ZFYVE16: variants seen among roughly 807,000 people sequenced by gnomAD.
The protein encoded by ZFYVE16 is zinc finger FYVE domain-containing protein 16.
In ZFYVE16, 89 loss-of-function variants were observed where a neutral mutation model predicts 138.1. That is an observed-to-expected ratio of 0.64 (90% confidence interval 0.54 to 0.77). The LOEUF (loss-of-function observed/expected upper bound fraction) is 0.77. Among genes scored for constraint, ZFYVE16 ranks in the 30% least tolerant of loss-of-function variants. The probability of loss-of-function intolerance (pLI) is 0.00; values close to 1 mark genes in which losing one functional copy is unlikely to be tolerated. For synonymous variants in ZFYVE16, 596 were observed against 618.3 expected (o/e 0.96, Z 0.53); for missense variants, 1,793 against 1,786.7 (o/e 1.00, Z -0.06).
At chr5:80,427,610 C>CTTTTTTTTTTTTTTT in intron 2 of ZFYVE16, 65 bp downstream of exon 2, 13 of 50,002 alleles carry the variant, frequency 2.6e-4, no homozygotes, top group Non-Finnish European at 4.1e-4. Flanking sequence ...CTGTCGTATG[C>CTTTTTTTTTTTTTTT]TTTTTTTTTT....
chr5:80,423,808 G>A (rs970791017), intron 1 of ZFYVE16, among the ~76,000 whole-genome samples: 1 of 151,948 alleles, frequency 6.6e-6, no homozygotes, highest in African/African-American at 2.4e-5. Context: ...AAAATGCTGG[G>A]ATTACAGGCG....
Position 80,448,297 on chromosome 5 carries a change from G to A in ZFYVE16, c.2996G>A (p.Arg999Lys). 6.2e-7 allele frequency: 1 copy of A among 1,613,058 alleles called. No homozygotes were observed. Among genetic ancestry groups the A allele is most frequent in the South Asian group, 1.1e-5 (1 of 91,016 alleles). ...CCTATTGCTAGTATTTCAGATTATA[G>A]GTTACTGTGTGATATTAACAAGTAT... ...NLPIASISDY[R>K]LLCDINKYVC... The change falls in exon 8 of 19, where the codon AGG becomes AAG. Residue 999 changes from arginine to lysine, a missense_variant. This residue lies in a region of ZFYVE16 where 1,295 missense variants were observed against 1,204.3 expected (regional missense o/e 1.08). Transcript: ENST00000505560.
In ZFYVE16 at chr5:80,437,670, T is replaced by G. The variant is rs750583360; in HGVS notation, c.985T>G (p.Phe329Val). Residue 329 changes from phenylalanine to valine, a missense_variant, in exon 4 of 19, where the codon TTT becomes GTT. Transcript: ENST00000505560. ...SRDENFKLPD[F>V]SFQEDKTVIK... is the part of the protein sequence containing the mutation. The stretch of plus-strand genomic sequence containing the variant: ...AGATGAAAATTTCAAATTACCTGAC[T>G]TTTCCTTTCAGGAAGATAAGACTGT... 6.2e-7 allele frequency: 1 copy of G among 1,612,054 alleles called. No homozygotes were observed. Among genetic ancestry groups the G allele is most frequent in the Non-Finnish European group, 8.5e-7 (1 of 1,179,374 alleles).
In ZFYVE16 at chr5:80,434,023, C is replaced by A. The variant is rs995452891; in HGVS notation, c.-39-86C>A. The A allele has an allele frequency of 1.1e-5, 10 of 889,978 alleles. No individual in the cohort carries two copies. The African/African-American group carries it at 1.5e-4, about 14-fold the overall frequency. 55.1% of individuals were successfully genotyped at this position (889,978 alleles called of 1,614,324 possible). On this transcript the variant is annotated intron_variant, in intron 2 of 18. Transcript: ENST00000505560. Reference sequence around the variant, plus strand: ...TTAAATTTTATTTCTGTGTCAATTTCTTGACTGTGTTTCCTGGCATGGAAT... The same window carrying A: ...TTAAATTTTATTTCTGTGTCAATTTATTGACTGTGTTTCCTGGCATGGAAT...
chr5:80,464,284 T>C (rs955161641), intron 15 of ZFYVE16, among the ~76,000 whole-genome samples: 6 of 152,088 alleles, frequency 3.9e-5, no homozygotes, highest in African/African-American at 1.2e-4. Flanking sequence ...AGGAAACTTA[T>C]GATCATGGCA....
chr5:80,423,818 G>A (rs907917027), intron 1 of ZFYVE16, among the ~76,000 whole-genome samples: 4 of 152,038 alleles, frequency 2.6e-5, no homozygotes, highest in Admixed American at 6.6e-5. Flanking sequence ...GATTACAGGC[G>A]TGAGCCACTG....
chr5:80,473,953 A>G lies in ZFYVE16; in HGVS notation c.4293+94A>G, dbSNP rs1754641186. On this transcript the variant is annotated intron_variant, in intron 17 of 18. Transcript: ENST00000505560. The stretch of plus-strand genomic sequence containing the variant: ...ATACTCAACCTCTAAATATTTATGC[A>G]TAGCTTATTATACTTTTTATGCTAC... 2.0e-5 allele frequency: 17 copies of G among 839,710 alleles called. No homozygotes were observed. The South Asian group carries it at 2.8e-4, about 14-fold the overall frequency. The allele number at this position is 839,710 out of a possible 1,614,324, so 52.0% of individuals were successfully genotyped here. A position where few individuals can be genotyped will look rare whatever the true frequency, so the allele number is the denominator to read the frequency against.
Position 80,478,442 on chromosome 5 carries a change from A to G in ZFYVE16, c.*1065A>G, listed in dbSNP as rs1476105333. On this transcript the variant is annotated 3_prime_UTR_variant, in exon 19 of 19. Coordinates refer to ENST00000505560, the MANE Select transcript of ZFYVE16 (RefSeq NM_001284236.3). ...TTATTTTTTATAACAGGATATTAAC[A>G]TAAGTTAAATCCTATGTATTTGAAA... The G allele has an allele frequency of 6.6e-6, 1 of 152,134 alleles. No homozygotes were observed. Among genetic ancestry groups the G allele is most frequent in the Admixed American group, 6.5e-5 (1 of 15,274 alleles). The allele number at this position is 152,134 out of a possible 1,614,324, so 9.4% of individuals were successfully genotyped here. A position where few individuals can be genotyped will look rare whatever the true frequency, so the allele number is the denominator to read the frequency against.
Position 80,445,389 on chromosome 5 carries a change from C to A in ZFYVE16, c.2708C>A (p.Ser903Ter), listed in dbSNP as rs764221333. Residue 903 changes from serine to a stop codon, truncating the protein, a stop_gained, in exon 7 of 19, where the codon TCA (serine) becomes TAA (stop). Transcript: ENST00000505560. LOFTEE classifies it high-confidence loss of function. ...TGTTCTGAAGACTTTAGTCCTCTCTCACCTGATGTGCCTATGGTAAGGAAT... is the reference window on the plus strand; with the variant it reads ...TGTTCTGAAGACTTTAGTCCTCTCTAACCTGATGTGCCTATGGTAAGGAAT... ...KRCSEDFSPL[S>*]PDVPMTVNTV... is the part of the protein sequence containing the mutation. The A allele has an allele frequency of 6.2e-7, 1 of 1,613,084 alleles. No homozygotes were observed. Among genetic ancestry groups the A allele is most frequent in the South Asian group, 1.1e-5 (1 of 90,808 alleles).
intron 3 of ZFYVE16, among the ~76,000 whole-genome samples, chr5:80,434,513 G>A (rs543444114): frequency 4.0e-4 from 61 of 152,070 alleles, no homozygotes; most frequent in Non-Finnish European, 6.3e-4. Context: ...GTCTCATTCT[G>A]TCTCCCAGGC....
At chr5:80,449,835 C>T in intron 9 of ZFYVE16, 122 bp downstream of exon 9, 1 of 1,108,280 alleles carries the variant, frequency 9.0e-7, no homozygotes, top group East Asian at 2.7e-5. Flanking sequence ...ATTGGTTTTT[C>T]AGCCACATAT....
chr5:80,467,223 A>C (rs1677709926), intron 15 of ZFYVE16, among the ~76,000 whole-genome samples: 1 of 152,230 alleles, frequency 6.6e-6, no homozygotes, highest in Admixed American at 6.5e-5. Flanking sequence ...ACAACAGGCA[A>C]ATCTAAAGGT....
intron 3 of ZFYVE16, among the ~76,000 whole-genome samples, chr5:80,436,280 G>A (rs1042342677): frequency 6.6e-6 from 1 of 152,182 alleles, no homozygotes; most frequent in African/African-American, 2.4e-5. Context: ...AGGGGAGTGA[G>A]GGTAGGATCC....
intron 2 of ZFYVE16, among the ~76,000 whole-genome samples, chr5:80,433,358 A>G (rs1580187138): frequency 2.0e-5 from 3 of 152,280 alleles, no homozygotes; most frequent in Admixed American, 6.5e-5. Context: ...AACACCGCAT[A>G]TTCTCACTCG....
At chr5:80,460,439 T>C (rs1752982203) in intron 15 of ZFYVE16, among the ~76,000 whole-genome samples, 1 of 152,100 alleles carries the variant, frequency 6.6e-6, no homozygotes, top group South Asian at 2.1e-4. Flanking sequence ...CAGTATAATT[T>C]ATGACTCTTA....
chr5:80,436,712 TATTTG>T (rs1342606319), intron 3 of ZFYVE16, 39 bp from the exon 4 acceptor site: 7 of 1,480,544 alleles, frequency 4.7e-6, no homozygotes, highest in African/African-American at 4.2e-5. Context: ...TAATAATTTT[TATTTG>T]ATTTAAGTCT....
In ZFYVE16 at chr5:80,457,060, A is replaced by G. The variant is rs149526633; in HGVS notation, c.3911A>G (p.Gln1304Arg). ...CAGAATGATGGAATTTATGAAACAC[A>G]GGCCAACAGTGCCACTGGCCATCCT... ...CIQNDGIYET[Q>R]ANSATGHPRK... Residue 1304 changes from glutamine (Q) to arginine (R), a missense_variant, in exon 14 of 19, where the codon CAG (glutamine) becomes CGG (arginine). Coordinates refer to ENST00000505560, the MANE Select transcript of ZFYVE16 (RefSeq NM_001284236.3). 160 of 1,612,070 alleles carry G rather than the reference A, an allele frequency of 9.9e-5. 1 individual carries two copies. In the African/African-American group the frequency reaches 1.8e-3, roughly 18 times the overall value.
intron 1 of ZFYVE16, among the ~76,000 whole-genome samples, chr5:80,424,704 C>A (rs1747743745): frequency 6.6e-6 from 1 of 152,196 alleles, no homozygotes; most frequent in African/African-American, 2.4e-5. Flanking sequence ...TCAAGCAGTT[C>A]ACCTGCCTTG....
At chr5:80,427,839 G>T (rs1344966821) in intron 2 of ZFYVE16, among the ~76,000 whole-genome samples, 1 of 151,144 alleles carries the variant, frequency 6.6e-6, no homozygotes, top group Non-Finnish European at 1.5e-5. Context: ...GAGCCTGGTG[G>T]CGCACGCCTG....
Sources: gnomAD v4.1 joint callset for allele counts (sites outside exome capture counted in the v4.1 genomes callset) on GRCh38, gnomAD v4.1.1 for gene constraint, gnomAD v4.1.1 regional missense constraint, MANE v1.5 for transcripts, NCBI Gene and HGNC (gene_info 2026-07-23, HGNC 2026-07-21) for gene names.